Variants in CEP350 observed in about 807,000 individuals in gnomAD.
The protein encoded by CEP350 is centrosomal protein 350.
In CEP350, 126 loss-of-function variants were observed where a neutral mutation model predicts 331.8. The ratio of observed to expected loss-of-function variants is 0.38; its 90% confidence interval spans 0.33 to 0.44. The LOEUF is 0.44. Ranked by LOEUF, CEP350 falls within the 20% of genes least tolerant of loss-of-function variation. CEP350 has a pLI of 1.00. For synonymous variants in CEP350, 1,200 were observed against 1,259.5 expected (o/e 0.95, Z 1.00); for missense variants, 3,406 against 3,634.6 (o/e 0.94, Z 1.62).
At chr1:180,052,812 A>G (rs914242420) in intron 22 of CEP350, among the ~76,000 whole-genome samples, 158 bp from the exon 23 acceptor site, 9 of 152,152 alleles carry the variant, frequency 5.9e-5, no homozygotes, top group African/African-American at 2.2e-4. Context: ...CTTGCTTGTA[A>G]GGCAAATGAA....
At chr1:180,004,894 G>T (rs374353448) in intron 7 of CEP350, among the ~76,000 whole-genome samples, 13,415 of 58,656 alleles carry the variant, frequency 0.23, 914 homozygotes, top group Non-Finnish European at 0.32. Flanking sequence ...TTGCTTGCTT[G>T]CTTGCTTGCT....
intron 25 of CEP350, among the ~76,000 whole-genome samples, chr1:180,057,321 G>A (rs1347374035): frequency 1.3e-5 from 2 of 151,618 alleles, no homozygotes; most frequent in African/African-American, 2.4e-5. Context: ...GGCTGGTCTC[G>A]AGCCCCTGAC....
In CEP350 at chr1:180,091,241, A is replaced by G. The variant is rs1239199852; in HGVS notation, c.6508+445A>G. Reference sequence around the variant, plus strand: ...CCGTTGTTGCCCAGGCTGGTCTCGAACTCTTGGACTCACGCAGTCCTCCCA... The same window carrying G: ...CCGTTGTTGCCCAGGCTGGTCTCGAGCTCTTGGACTCACGCAGTCCTCCCA... On this transcript the variant is annotated intron_variant, in intron 33 of 37. Coordinates refer to ENST00000367607, the MANE Select transcript of CEP350 (RefSeq NM_014810.5). Among the ~76,000 whole-genome samples the G allele has an allele frequency of 2.7e-5, 4 of 150,912 alleles. No homozygotes were observed. In the South Asian group the frequency reaches 8.4e-4, roughly 32 times the overall value.
chr1:179,999,539 A>G (rs1653720805), intron 6 of CEP350, among the ~76,000 whole-genome samples: 1 of 152,188 alleles, frequency 6.6e-6, no homozygotes, highest in South Asian at 2.1e-4. Context: ...AATTAAAAGC[A>G]TCTTAAAATA....
intron 37 of CEP350, among the ~76,000 whole-genome samples, chr1:180,102,224 C>T (rs1394790787): frequency 6.6e-6 from 1 of 151,998 alleles, no homozygotes; most frequent in Non-Finnish European, 1.5e-5. Flanking sequence ...CAACCTCCGC[C>T]TCCCGGGTTC....
rs766683531 is a variant in CEP350 at position 180,065,143 on chromosome 1, A to T, written c.5438A>T (p.Asp1813Val). Residue 1813 changes from aspartate (D) to valine (V), a missense_variant, in exon 27 of 38, where the codon GAT becomes GTT. By Grantham distance (152) the Asp-to-Val change is radical (BLOSUM62 -3). Transcript: ENST00000367607. ...LDSHSDDDTKDNKATSPGPTD... is the reference protein window; with the variant it reads ...LDSHSDDDTKVNKATSPGPTD... ...TCTCATAGTGATGATGATACAAAGG[A>T]TAATAAGGCAACCAGTCCTGGTCCA... 2.5e-6 allele frequency: 4 copies of T among 1,611,046 alleles called. No individual in the cohort carries two copies. The African/African-American group carries it at 4.0e-5, about 16-fold the overall frequency.
At chr1:180,042,130 TCTCACACACACACACA>T (rs973498642) in intron 19 of CEP350, among the ~76,000 whole-genome samples, 12 of 69,114 alleles carry the variant, frequency 1.7e-4, no homozygotes, top group Admixed American at 9.3e-4. Context: ...GTGAGTTTTC[TCTCACACACACACACA>T]CACACACACA....
rs1472246820 is a variant in CEP350, at chr1:180,096,039, C to G, written c.8921C>G (p.Ala2974Gly). 3 of 1,550,812 alleles carry G rather than the reference C, an allele frequency of 1.9e-6. No individual in the cohort carries two copies. The Admixed American group carries it at 6.0e-5, about 31-fold the overall frequency. The stretch of plus-strand genomic sequence containing the variant: ...TTTGTTTTGTTTTTCTCTATCAAGG[C>G]GGTTTTTGATTTAACAAAAGAGATT... ...ESTSKRVYKQ[A>G]VFDLTKEIFE... Residue 2974 changes from alanine to glycine, a missense_variant and splice_region_variant, in exon 36 of 38, where the codon GCG (alanine) becomes GGG (glycine). This residue lies in a region of CEP350 where 1,415 missense variants were observed against 1,512.3 expected (regional missense o/e 0.94). Transcript: ENST00000367607.
intron 14 of CEP350, among the ~76,000 whole-genome samples, chr1:180,025,748 G>A (rs957870314): frequency 2.0e-5 from 3 of 152,058 alleles, no homozygotes; most frequent in South Asian, 2.1e-4. Flanking sequence ...GGACCTGTCG[G>A]GGGGTTAGGG....
At chr1:180,055,040 T>C (rs528856139) in intron 25 of CEP350, among the ~76,000 whole-genome samples, 1 of 152,340 alleles carries the variant, frequency 6.6e-6, no homozygotes, top group African/African-American at 2.4e-5. Flanking sequence ...AACAAGTTAC[T>C]TAACTTCTCT....
In CEP350 at chr1:180,014,353, C is replaced by T. The variant is rs144522842; in HGVS notation, c.1900C>T (p.Arg634Trp). Residue 634 changes from arginine to tryptophan, a missense_variant, in exon 10 of 38, where the codon CGG (arginine) becomes TGG (tryptophan). Physicochemically the swap from Arg to Trp is moderately radical, Grantham distance 101 (BLOSUM62 -3). Transcript: ENST00000367607. ...QKNKRLQELY[R>W]KQKEAFTKVK... Reference sequence around the variant, plus strand: ...AAACAAACGATTACAAGAGCTCTACCGGAAGCAGAAGGAAGCCTTTACTAA... The same window carrying T: ...AAACAAACGATTACAAGAGCTCTACTGGAAGCAGAAGGAAGCCTTTACTAA... 107 of 1,591,676 alleles carry T rather than the reference C, an allele frequency of 6.7e-5. No individual in the cohort carries two copies. The highest frequency in any genetic ancestry group is 8.6e-5 in the Non-Finnish European group (101 of 1,168,728).
At chr1:179,961,157 G>A (rs1571772494) in intron 1 of CEP350, among the ~76,000 whole-genome samples, 1 of 152,178 alleles carries the variant, frequency 6.6e-6, no homozygotes, top group East Asian at 1.9e-4. Context: ...ACTTTAAACA[G>A]CCTCATGGCC....
At chr1:179,955,975 A>C (rs994825948) in intron 1 of CEP350, among the ~76,000 whole-genome samples, 1 of 152,194 alleles carries the variant, frequency 6.6e-6, no homozygotes, top group African/African-American at 2.4e-5. Flanking sequence ...GTATTTGAAG[A>C]GTTTTAAAAG....
At chr1:180,064,711 ATTC>A (rs753833872) in intron 26 of CEP350, among the ~76,000 whole-genome samples, 2 of 152,132 alleles carry the variant, frequency 1.3e-5, no homozygotes, top group South Asian at 2.1e-4. Flanking sequence ...TCTTCCAGTC[ATTC>A]TTTGTGTCTG....
chr1:180,069,488 A>C lies in CEP350; in HGVS notation c.5567+4216A>C, dbSNP rs180979979. Among the ~76,000 whole-genome samples the C allele has an allele frequency of 1.4e-3, 216 of 152,296 alleles. 3 individuals carry two copies. Among genetic ancestry groups the C allele is most frequent in the Middle Eastern group, 6.8e-3 (2 of 294 alleles). On this transcript the variant is annotated intron_variant, in intron 27 of 37. Coordinates refer to ENST00000367607, the MANE Select transcript of CEP350 (RefSeq NM_014810.5). The stretch of plus-strand genomic sequence containing the variant: ...ATAGCATTGCCTCAAATTGAATAGA[A>C]ATTTCTTAGACAACATTCTAGTCTA...
chr1:179,977,957 A>C (rs1399886480), intron 1 of CEP350, among the ~76,000 whole-genome samples: 3 of 150,324 alleles, frequency 2.0e-5, no homozygotes, highest in Non-Finnish European at 4.4e-5. Context: ...CTATAAAAAT[A>C]TATTTTATAA....
At chr1:180,066,007 G>A (rs2149026375) in intron 27 of CEP350, among the ~76,000 whole-genome samples, 1 of 152,180 alleles carries the variant, frequency 6.6e-6, no homozygotes, top group South Asian at 2.1e-4. Flanking sequence ...TGGTGAGTAG[G>A]TATGAGTTCC....
At chr1:180,055,615 A>G (rs956113955) in intron 25 of CEP350, among the ~76,000 whole-genome samples, 13 of 124,286 alleles carry the variant, frequency 1.0e-4, no homozygotes, top group African/African-American at 3.2e-4. Flanking sequence ...CAGTGGCGCT[A>G]TCTCGGCTCA....
chr1:180,110,896 T>C, intron 37 of CEP350, 101 bp from the exon 38 acceptor site: 2 of 978,446 alleles, frequency 2.0e-6, no homozygotes, highest in Non-Finnish European at 3.1e-6. Context: ...GTTTATTTCC[T>C]TGGGCTGTAT....
Sources: allele counts gnomAD v4.1 joint callset (sites outside exome capture counted in the v4.1 genomes callset), GRCh38; gene constraint gnomAD v4.1.1; regional missense constraint gnomAD v4.1.1; transcripts MANE v1.5; gene names NCBI Gene and HGNC (gene_info 2026-07-23, HGNC 2026-07-21).